WDFY4: variants seen among roughly 807,000 people sequenced by gnomAD.
WDFY4 encodes the protein WDFY family member 4.
In WDFY4, 169 loss-of-function variants were observed where a neutral mutation model predicts 351.9. The ratio of observed to expected loss-of-function variants is 0.48; its 90% confidence interval spans 0.42 to 0.55. WDFY4 has a LOEUF of 0.55. Among genes scored for constraint, WDFY4 ranks in the 20% least tolerant of loss-of-function variants. The probability of loss-of-function intolerance (pLI) is 0.00; values close to 1 mark genes in which losing one functional copy is unlikely to be tolerated. For synonymous variants in WDFY4, 1,622 were observed against 1,574.6 expected (o/e 1.03, Z -0.71); for missense variants, 3,803 against 3,935.6 (o/e 0.97, Z 0.90).
intron 51 of WDFY4, among the ~76,000 whole-genome samples, chr10:48,952,255 T>A (rs1841363279): frequency 6.6e-6 from 1 of 152,140 alleles, no homozygotes. Context: ...CCCCTGCCTC[T>A]GAGGCAAGCA....
Position 48,877,319 on chromosome 10 carries a change from A to T in WDFY4, c.7167+120A>T, listed in dbSNP as rs2070058665. ...GAATGAGATCTCCATTTGCTATGAA[A>T]ACTTTCAACACAATAATCAGTGAAA... On this transcript the variant is annotated intron_variant, in intron 43 of 61. Transcript: ENST00000325239. 4 of 935,456 alleles carry T rather than the reference A, an allele frequency of 4.3e-6. No homozygotes were observed. In the South Asian group the frequency reaches 7.1e-5, roughly 17 times the overall value. 57.9% of individuals were successfully genotyped at this position (935,456 alleles called of 1,614,324 possible).
chr10:48,734,775 T>C (rs2064594231), intron 10 of WDFY4, among the ~76,000 whole-genome samples: 1 of 149,962 alleles, frequency 6.7e-6, no homozygotes, highest in South Asian at 2.1e-4. Context: ...AGCTCAGGAA[T>C]CTACTTTTTT....
In WDFY4 at chr10:48,822,368, C is replaced by T. The variant is rs1263254279; in HGVS notation, c.5825-12C>T. On this transcript the variant is annotated splice_polypyrimidine_tract_variant and intron_variant, in intron 34 of 61. Transcript: ENST00000325239. ...TTAGACTCTCACCTCCACCTGTCCC[C>T]TCACTCCACAGACGGCAAAGAGCCT... The T allele has an allele frequency of 3.3e-6, 5 of 1,530,836 alleles. No individual in the cohort carries two copies. The Admixed American group carries it at 1.0e-4, about 31-fold the overall frequency. The allele number at this position is 1,530,836 out of a possible 1,614,324, so 94.8% of individuals were successfully genotyped here.
chr10:48,904,569 G>A (rs1837519635), intron 47 of WDFY4, among the ~76,000 whole-genome samples: 1 of 152,164 alleles, frequency 6.6e-6, no homozygotes, highest in Non-Finnish European at 1.5e-5. Context: ...CTCTCAGGGA[G>A]GATTTTACTT....
chr10:48,906,114 T>G (rs776439255), intron 47 of WDFY4, among the ~76,000 whole-genome samples: 2 of 152,184 alleles, frequency 1.3e-5, no homozygotes, highest in African/African-American at 2.4e-5. Context: ...GAATGAGTCT[T>G]GAAAAATGCC....
intron 2 of WDFY4, among the ~76,000 whole-genome samples, chr10:48,711,663 C>T (rs1048621955): frequency 5.9e-5 from 9 of 152,152 alleles, no homozygotes; most frequent in African/African-American, 2.2e-4. Context: ...TATTAAGCTC[C>T]TATACTCTGC....
intron 55 of WDFY4, 115 bp from the exon 56 acceptor site, chr10:48,968,949 C>A (rs1404870481): frequency 2.8e-6 from 3 of 1,085,114 alleles, no homozygotes; most frequent in Non-Finnish European, 4.0e-6. Flanking sequence ...TGGGTGCTGT[C>A]CTTCCATGCT....
chr10:48,810,498 A>T, intron 28 of WDFY4, 32 bp from the exon 29 acceptor site: 1 of 1,540,060 alleles, frequency 6.5e-7, no homozygotes, highest in Non-Finnish European at 8.8e-7. Flanking sequence ...TCATGGACTG[A>T]GAGAACATTG....
chr10:48,782,003 T>C (rs1205662934), intron 19 of WDFY4, among the ~76,000 whole-genome samples: 1 of 152,212 alleles, frequency 6.6e-6, no homozygotes, highest in African/African-American at 2.4e-5. Flanking sequence ...AGATTCATTT[T>C]AGGTGATTTT....
chr10:48,916,102 G>A (rs888026472), intron 47 of WDFY4, among the ~76,000 whole-genome samples: 2 of 152,250 alleles, frequency 1.3e-5, no homozygotes, highest in Non-Finnish European at 2.9e-5. Context: ...TGGGGACTCT[G>A]AGATAAGTGA....
intron 12 of WDFY4, chr10:48,745,497 T>C (rs1219895637): frequency 1.1e-5 from 3 of 267,282 alleles, no homozygotes; most frequent in Admixed American, 5.2e-5. Context: ...GCTTGAAATA[T>C]CAGCTTTTTG....
At chr10:48,844,723 G>A (rs1589738171) in intron 39 of WDFY4, among the ~76,000 whole-genome samples, 1 of 152,188 alleles carries the variant, frequency 6.6e-6, no homozygotes, top group Non-Finnish European at 1.5e-5. Flanking sequence ...AAATGAAAGA[G>A]CAATTGAACA....
rs1158263452 is a variant in WDFY4, at chr10:48,817,316, C to T, written c.5412C>T (p.Leu1804=). Residue 1804 remains leucine (L), a synonymous_variant, in exon 32 of 62, where the codon CTC becomes CTT. Coordinates refer to ENST00000325239, the MANE Select transcript of WDFY4 (RefSeq NM_001394531.1). The part of the protein sequence containing the change: ...FPASVLQFLS[L]VHRTYPQDPA... ...CCAGCGTGCTGCAGTTCCTCAGCCT[C>T]GTCCACCGCACCTACCCCCAGGACC... is the stretch of plus-strand genomic sequence containing the variant. 20 of 1,551,552 alleles carry T rather than the reference C, an allele frequency of 1.3e-5. No individual in the cohort carries two copies. Among genetic ancestry groups the T allele is most frequent in the Non-Finnish European group, 1.6e-5 (18 of 1,146,974 alleles).
rs374624578 is a variant in WDFY4 at position 48,890,584 on chromosome 10, G to T, written c.7173G>T (p.Thr2391=). 3 of 1,551,628 alleles carry T rather than the reference G, an allele frequency of 1.9e-6. No individual in the cohort carries two copies. Among genetic ancestry groups the T allele is most frequent in the Non-Finnish European group, 2.6e-6 (3 of 1,146,972 alleles). ...CTGCCACTCTCTCCTTCCAGGTGAC[G>T]CAGAAGTTCTCCCTGGTGATTGTGC... ...LQELLDKEKV[T]QKFSLVIVQG... is the part of the protein sequence containing the mutation. Residue 2391 remains threonine (T), a synonymous_variant, in exon 44 of 62, where the codon ACG becomes ACT. Coordinates refer to ENST00000325239, the MANE Select transcript of WDFY4 (RefSeq NM_001394531.1).
chr10:48,713,725 G>A (rs768043398), intron 2 of WDFY4, among the ~76,000 whole-genome samples: 37 of 152,238 alleles, frequency 2.4e-4, no homozygotes, highest in Non-Finnish European at 4.4e-4. Flanking sequence ...AGGTCAAAGA[G>A]TTCTTAGCCA....
intron 1 of WDFY4, among the ~76,000 whole-genome samples, chr10:48,705,681 A>G (rs1032587608): frequency 3.3e-5 from 5 of 152,174 alleles, no homozygotes; most frequent in African/African-American, 7.2e-5. Context: ...ATTAGTTAGA[A>G]ATCCTTGTTT....
chr10:48,820,671 G>T (rs1008549794), intron 33 of WDFY4, among the ~76,000 whole-genome samples: 4 of 152,204 alleles, frequency 2.6e-5, no homozygotes, highest in African/African-American at 9.7e-5. Context: ...TGGCCAGTGG[G>T]TTGGAGGCGG....
rs2069533274 is a variant in WDFY4, at chr10:48,866,128, T to C, written c.6664-1137T>C. ...ATTTTCCCCTTCCTTCTACTTGCTT[T>C]AGATTTAGTTTGCTCTTTTTTCCCC... On this transcript the variant is annotated intron_variant, in intron 39 of 61. Transcript: ENST00000325239. 3.3e-5 allele frequency among the ~76,000 whole-genome samples: 5 copies of C among 152,296 alleles called. No homozygotes were observed. In the South Asian group the frequency reaches 1.0e-3, roughly 32 times the overall value.
chr10:48,774,526 C>G lies in WDFY4; in HGVS notation c.2622C>G (p.Arg874=). The change falls in exon 14 of 62, where the codon CGC becomes CGG. Residue 874 remains arginine (R), a synonymous_variant. Transcript: ENST00000325239. The part of the protein sequence containing the change: ...IQSLVKSEKN[R]QVMCEAGLLG... ...CCCTGGTGAAGTCGGAGAAGAACCG[C>G]CAGGTCATGTGCGAAGCAGGCTTGC... 6.4e-7 allele frequency: 1 copy of G among 1,551,748 alleles called. No homozygotes were observed.
Sources: allele counts gnomAD v4.1 joint callset (sites outside exome capture counted in the v4.1 genomes callset), GRCh38; gene constraint gnomAD v4.1.1; transcripts MANE v1.5; gene names NCBI Gene and HGNC (gene_info 2026-07-23, HGNC 2026-07-21).